Variants in NEFH observed in about 807,000 individuals in gnomAD.
NEFH encodes neurofilament heavy polypeptide.
Under a neutral mutation model 56.6 loss-of-function variants are expected in NEFH, and 58 were observed. The observed-to-expected ratio is 1.03, with a 90% CI of 0.83 to 1.28. The LOEUF (loss-of-function observed/expected upper bound fraction) is 1.28, where lower values mean the gene tolerates loss of function less well. NEFH is among the 50% of genes most tolerant of loss of function. The probability of loss-of-function intolerance (pLI) is 0.00; values close to 1 mark genes in which losing one functional copy is unlikely to be tolerated. For missense variants in NEFH, 1,221 were observed against 1,307.6 expected, an observed-to-expected ratio of 0.93 and a Z score of 1.02; for synonymous variants, 542 against 545.8, an observed-to-expected ratio of 0.99 and a Z score of 0.10.
rs77685295 is a variant in NEFH at position 29,483,756 on chromosome 22, C to G, written c.1083+182C>G. The stretch of plus-strand genomic sequence containing the variant: ...TATCTAATTCTCTGAATCTGAGTTC[C>G]TTTCCAGCCATGAAAAAAAAAAAAA... On this transcript the variant is annotated intron_variant, in intron 2 of 3. Coordinates refer to ENST00000310624, the MANE Select transcript of NEFH (RefSeq NM_021076.4). Among the ~76,000 whole-genome samples the G allele has an allele frequency of 0.078, 10,171 of 130,980 alleles. 487 individuals are homozygous for G. Among genetic ancestry groups the G allele is most frequent in the East Asian group, 0.17 (788 of 4,634 alleles). 85.9% of individuals were successfully genotyped at this position (130,980 alleles called of 152,430 possible). A position where few individuals can be genotyped will look rare whatever the true frequency, so the allele number is the denominator to read the frequency against.
rs1214870548 is a variant in NEFH, at chr22:29,480,703, GCGCGAGGTC to G, written c.448_456del (p.Val150_Glu152del). 2 of 1,524,960 alleles carry G rather than the reference GCGCGAGGTC, an allele frequency of 1.3e-6. No individual in the cohort carries two copies. Among genetic ancestry groups the G allele is most frequent in the Non-Finnish European group, 1.7e-6 (2 of 1,144,412 alleles). The allele number at this position is 1,524,960 out of a possible 1,614,324, so 94.5% of individuals were successfully genotyped here. A position where few individuals can be genotyped will look rare whatever the true frequency, so the allele number is the denominator to read the frequency against. The stretch of plus-strand genomic sequence containing the variant: ...GCTCCGCTATGGGCGAGCTGTACGA[GCGCGAGGTC>G]CGCGAGATGCGCGGCGCGGTGCTGC... On this transcript the variant is annotated inframe_deletion, in exon 1 of 4. Transcript: ENST00000310624.
chr22:29,480,625 C>G lies in NEFH; in HGVS notation c.363C>G (p.His121Gln). Reference protein sequence around the residue: ...YIDKVRQLEAHNRSLEGEAAA... With the variant: ...YIDKVRQLEAQNRSLEGEAAA... ...ACAAGGTGCGGCAGCTGGAGGCGCA[C>G]AACCGCAGCCTGGAGGGCGAGGCTG... Residue 121 changes from histidine (H) to glutamine (Q), a missense_variant, in exon 1 of 4, where the codon CAC (histidine) becomes CAG (glutamine). Physicochemically the swap from His to Gln is conservative, Grantham distance 24. Around this residue, in one of 4 missense-constraint regions of NEFH, gnomAD observed 640 missense variants for 555.5 expected, o/e 1.15. Transcript: ENST00000310624. 6.4e-7 allele frequency: 1 copy of G among 1,563,700 alleles called. No individual in the cohort carries two copies. Among genetic ancestry groups the G allele is most frequent in the South Asian group, 1.2e-5 (1 of 86,336 alleles).
At position 29,490,884 on chromosome 22, in the gene NEFH, C is replaced by T. The variant is rs2063077820; in HGVS notation, c.*181C>T. On this transcript the variant is annotated 3_prime_UTR_variant, in exon 4 of 4. Transcript: ENST00000310624. ...AGCAATATGTTAGCAAGAGAGGGCA[C>T]TCCCAGGCCCCTGCCCCCAGGCCCT... 8.1e-7 allele frequency: 1 copy of T among 1,234,552 alleles called. No homozygotes were observed. The highest frequency in any genetic ancestry group is 1.1e-6 in the Non-Finnish European group (1 of 878,994). The allele number at this position is 1,234,552 out of a possible 1,614,324, so 76.5% of individuals were successfully genotyped here. A position where few individuals can be genotyped will look rare whatever the true frequency, so the allele number is the denominator to read the frequency against.
intron 3 of NEFH, among the ~76,000 whole-genome samples, chr22:29,487,651 A>G (rs140058062): frequency 5.1e-4 from 78 of 152,186 alleles, no homozygotes; most frequent in African/African-American, 1.9e-3. Context: ...CAACAACACA[A>G]CAACAACAAA....
At position 29,480,907 on chromosome 22, in the gene NEFH, C is replaced by A; in HGVS notation, c.645C>A (p.Asp215Glu). 6.7e-7 allele frequency: 1 copy of A among 1,500,660 alleles called. No individual in the cohort carries two copies. Among genetic ancestry groups the A allele is most frequent in the Non-Finnish European group, 8.8e-7 (1 of 1,133,974 alleles). The allele number at this position is 1,500,660 out of a possible 1,614,324, so 93.0% of individuals were successfully genotyped here. A position where few individuals can be genotyped will look rare whatever the true frequency, so the allele number is the denominator to read the frequency against. ...AGGAGGCCGAGGCGGCGCGCGTGGA[C>A]CTGCAGAAGAAGGCGCAGGCGCTGC... ...FAQEAEAARVDLQKKAQALQE... is the reference protein window; with the variant it reads ...FAQEAEAARVELQKKAQALQE... Residue 215 changes from aspartate to glutamate, a missense_variant, in exon 1 of 4, where the codon GAC becomes GAA. Around this residue, in one of 4 missense-constraint regions of NEFH, gnomAD observed 640 missense variants for 555.5 expected, o/e 1.15. Coordinates refer to ENST00000310624, the MANE Select transcript of NEFH (RefSeq NM_021076.4).
At position 29,480,866 on chromosome 22, in the gene NEFH, C is replaced by A; in HGVS notation, c.604C>A (p.Leu202Met). 7.1e-7 allele frequency: 1 copy of A among 1,403,226 alleles called. No homozygotes were observed. Among genetic ancestry groups the A allele is most frequent in the Non-Finnish European group, 9.2e-7 (1 of 1,091,420 alleles). The allele number at this position is 1,403,226 out of a possible 1,614,324, so 86.9% of individuals were successfully genotyped here. Reference protein sequence around the residue: ...REEAEAAARALARFAQEAEAA... With the variant: ...REEAEAAARAMARFAQEAEAA... ...GGAGGCCGAGGCGGCGGCCCGCGCG[C>A]TGGCGCGCTTCGCGCAGGAGGCCGA... The change falls in exon 1 of 4, where the codon CTG becomes ATG. Residue 202 changes from leucine to methionine, a missense_variant. Around this residue, in one of 4 missense-constraint regions of NEFH, gnomAD observed 640 missense variants for 555.5 expected, o/e 1.15. Transcript: ENST00000310624.
chr22:29,490,002 C>T lies in NEFH; in HGVS notation c.2362C>T (p.Pro788Ser), dbSNP rs1346622497. Residue 788 changes from proline (P) to serine (S), a missense_variant, in exon 4 of 4, where the codon CCT (proline) becomes TCT (serine). Physicochemically the swap from Pro to Ser is moderately conservative, Grantham distance 74. Around this residue, in one of 4 missense-constraint regions of NEFH, gnomAD observed 301 missense variants for 346.6 expected, o/e 0.87. Transcript: ENST00000310624. Reference protein sequence around the residue: ...ADKFPEKAKSPVKEEVKSPEK... With the variant: ...ADKFPEKAKSSVKEEVKSPEK... ...CAAATTCCCTGAAAAGGCCAAAAGC[C>T]CTGTCAAGGAGGAGGTCAAGTCCCC... The T allele has an allele frequency of 6.2e-7, 1 of 1,613,216 alleles. No homozygotes were observed. Among genetic ancestry groups the T allele is most frequent in the Non-Finnish European group, 8.5e-7 (1 of 1,179,868 alleles).
chr22:29,485,855 G>C lies in NEFH; in HGVS notation c.1208+8G>C. 1 of 1,614,092 alleles carries C rather than the reference G, an allele frequency of 6.2e-7. No homozygotes were observed. Among genetic ancestry groups the C allele is most frequent in the Non-Finnish European group, 8.5e-7 (1 of 1,179,948 alleles). On this transcript the variant is annotated splice_region_variant and intron_variant, in intron 3 of 3. Transcript: ENST00000310624. Reference sequence around the variant, plus strand: ...AGAGATAGCCGCTTACAGGTGAGACGCACAGGGGCTGTCACATGGTGAAGA... The same window carrying C: ...AGAGATAGCCGCTTACAGGTGAGACCCACAGGGGCTGTCACATGGTGAAGA...
intron 1 of NEFH, 42 bp from the exon 2 acceptor site, chr22:29,483,333 C>T: frequency 6.3e-7 from 1 of 1,578,864 alleles, no homozygotes; most frequent in Non-Finnish European, 8.7e-7. Flanking sequence ...AGAACCCAGT[C>T]CAGGTGTGTC....
chr22:29,487,469 C>CAAA (rs60393645), intron 3 of NEFH, among the ~76,000 whole-genome samples: 41 of 139,774 alleles, frequency 2.9e-4, no homozygotes, highest in Middle Eastern at 3.8e-3. Flanking sequence ...ACAAAAAATA[C>CAAA]AAAAAAAAAA....
rs757431917 is a variant in NEFH at position 29,480,683 on chromosome 22, G to A, written c.421G>A (p.Ala141Thr). The change falls in exon 1 of 4, where the codon GCT becomes ACT. Residue 141 changes from alanine (A) to threonine (T), a missense_variant. Coordinates refer to ENST00000310624, the MANE Select transcript of NEFH (RefSeq NM_021076.4). The part of the protein sequence containing the change: ...ALRQQQAGRS[A>T]MGELYEREVR... ...GCGGCAGCAGCAGGCGGGCCGCTCC[G>A]CTATGGGCGAGCTGTACGAGCGCGA... 9.1e-6 allele frequency: 14 copies of A among 1,542,484 alleles called. No homozygotes were observed. Among genetic ancestry groups the A allele is most frequent in the African/African-American group, 1.4e-5 (1 of 73,454 alleles).
rs769837971 is a variant in NEFH at position 29,490,113 on chromosome 22, AAGG to A, written c.2482_2484del (p.Glu828del). 1.1e-5 allele frequency: 17 copies of A among 1,613,994 alleles called. No homozygotes were observed. The highest frequency in any genetic ancestry group is 8.0e-5 in the African/African-American group (6 of 74,906). On this transcript the variant is annotated inframe_deletion, in exon 4 of 4. Coordinates refer to ENST00000310624, the MANE Select transcript of NEFH (RefSeq NM_021076.4). The stretch of plus-strand genomic sequence containing the variant: ...AAAGGAAGAGGTGAAGTCCCCAGTG[AAGG>A]AGGAGGAGAAGCCCCAGGAGGTGAA...
intron 3 of NEFH, among the ~76,000 whole-genome samples, chr22:29,487,239 C>T (rs2063049727): frequency 6.6e-6 from 1 of 152,126 alleles, no homozygotes; most frequent in South Asian, 2.1e-4. Flanking sequence ...GACTGGTGAC[C>T]TGTGGCTTCC....
chr22:29,480,978 G>A lies in NEFH; in HGVS notation c.716G>A (p.Gly239Asp). ...CGGCGCCACCACCAGGAAGAGGTGG[G>A]CGAGCTGCTCGGCCAGATCCAGGGC... ...YLRRHHQEEV[G>D]ELLGQIQGSG... Residue 239 changes from glycine to aspartate, a missense_variant, in exon 1 of 4, where the codon GGC becomes GAC. Transcript: ENST00000310624. 2 of 1,531,852 alleles carry A rather than the reference G, an allele frequency of 1.3e-6. No individual in the cohort carries two copies. The highest frequency in any genetic ancestry group is 1.7e-6 in the Non-Finnish European group (2 of 1,145,584). 94.9% of individuals were successfully genotyped at this position (1,531,852 alleles called of 1,614,324 possible). A position where few individuals can be genotyped will look rare whatever the true frequency, so the allele number is the denominator to read the frequency against.
rs770390473 is a variant in NEFH at position 29,489,290 on chromosome 22, C to A, written c.1650C>A (p.Ala550=). The change falls in exon 4 of 4, where the codon GCC becomes GCA. Residue 550 remains alanine (A), a synonymous_variant. Coordinates refer to ENST00000310624, the MANE Select transcript of NEFH (RefSeq NM_021076.4). ...CCGAAGTCAAGTCCCCTGAGAAGGC[C>A]AAGTCTCCAGCAAAGGAAGAGGCAA... ...SPAEVKSPEK[A]KSPAKEEAKS... is the part of the protein sequence containing the mutation. 1 of 1,612,180 alleles carries A rather than the reference C, an allele frequency of 6.2e-7. No individual in the cohort carries two copies. The highest frequency in any genetic ancestry group is 1.1e-5 in the South Asian group (1 of 89,830).
In NEFH at chr22:29,490,411, A is replaced by C. The variant is rs199737170; in HGVS notation, c.2771A>C (p.Glu924Ala). ...VEVKEDAKPK[E>A]KTEVAKKEPD... ...GTGAAGGAAGACGCTAAACCCAAAG[A>C]AAAGACAGAGGTAGCCAAGAAGGAA... Residue 924 changes from glutamate (E) to alanine (A), a missense_variant, in exon 4 of 4, where the codon GAA becomes GCA. Physicochemically the swap from Glu to Ala is moderately radical, Grantham distance 107. Transcript: ENST00000310624. The C allele has an allele frequency of 5.5e-5, 89 of 1,611,270 alleles. No homozygotes were observed. Among genetic ancestry groups the C allele is most frequent in the Non-Finnish European group, 6.4e-5 (75 of 1,179,460 alleles).
In NEFH at chr22:29,489,327, G is replaced by A; in HGVS notation, c.1687G>A (p.Glu563Lys). The change falls in exon 4 of 4, where the codon GAG becomes AAG. Residue 563 changes from glutamate to lysine, a missense_variant. By Grantham distance (56) the Glu-to-Lys change is moderately conservative. This residue lies in a region of NEFH where 243 missense variants were observed against 299.1 expected (regional missense o/e 0.81). Coordinates refer to ENST00000310624, the MANE Select transcript of NEFH (RefSeq NM_021076.4). ...AAAGGAAGAGGCAAAGTCACCGCCT[G>A]AGGCCAAGTCCCCAGAGAAGGAGGA... ...PAKEEAKSPPEAKSPEKEEAK... is the reference protein window; with the variant it reads ...PAKEEAKSPPKAKSPEKEEAK... The A allele has an allele frequency of 1.2e-6, 2 of 1,610,814 alleles. No homozygotes were observed.
chr22:29,483,279 A>G, intron 1 of NEFH, 96 bp from the exon 2 acceptor site: 1 of 1,085,536 alleles, frequency 9.2e-7, no homozygotes. Flanking sequence ...TCCGTCTCAA[A>G]AAAAAAAAAA....
In NEFH at chr22:29,489,900, G is replaced by A. The variant is rs772610461; in HGVS notation, c.2260G>A (p.Glu754Lys). 1.9e-6 allele frequency: 3 copies of A among 1,613,728 alleles called. No homozygotes were observed. The African/African-American group carries it at 4.0e-5, about 22-fold the overall frequency. ...GTCCCCAGAGAAGGCCAAGTCCCCA[G>A]AGAAGGCCAAGACTCTTGATGTGAA... Reference protein sequence around the residue: ...AKSPEKAKSPEKAKTLDVKSP... With the variant: ...AKSPEKAKSPKKAKTLDVKSP... Residue 754 changes from glutamate to lysine, a missense_variant, in exon 4 of 4, where the codon GAG (glutamate) becomes AAG (lysine). Around this residue, in one of 4 missense-constraint regions of NEFH, gnomAD observed 301 missense variants for 346.6 expected, o/e 0.87. Transcript: ENST00000310624.
Sources: allele counts gnomAD v4.1 joint callset (sites outside exome capture counted in the v4.1 genomes callset), GRCh38; gene constraint gnomAD v4.1.1; regional missense constraint gnomAD v4.1.1; transcripts MANE v1.5; gene names NCBI Gene and HGNC (gene_info 2026-07-23, HGNC 2026-07-21).